The following TMBIM4 variants were observed in gnomAD, a reference collection of about 807,000 sequenced individuals.
TMBIM4 encodes the protein protein lifeguard 4.
In TMBIM4, 28 loss-of-function variants were observed where a neutral mutation model predicts 27.7. The ratio of observed to expected loss-of-function variants is 1.01; its 90% CI spans 0.75 to 1.38. TMBIM4 has a LOEUF of 1.38. TMBIM4 is among the 40% of genes most tolerant of loss of function. The pLI, the probability that TMBIM4 is intolerant of heterozygous loss-of-function variation, is 0.00. For missense variants in TMBIM4, 265 were observed against 277.5 expected (o/e 0.95, Z 0.32); for synonymous variants, 115 against 113.1 (o/e 1.02, Z -0.11).
chr12:66,154,334 C>T (rs933854305), intron 1 of TMBIM4, among the ~76,000 whole-genome samples: 1 of 152,108 alleles, frequency 6.6e-6, no homozygotes, highest in African/African-American at 2.4e-5. Flanking sequence ...TGTCCTTCAC[C>T]CCCATTAGAC....
intron 5 of TMBIM4, 97 bp downstream of exon 5, chr12:66,145,744 G>A (rs2051740384): frequency 2.9e-6 from 2 of 688,036 alleles, no homozygotes; most frequent in Admixed American, 2.4e-5. Context: ...CATTTTAAAA[G>A]ACAGTACCCA....
At chr12:66,157,809 A>C (rs2051961485) in intron 1 of TMBIM4, among the ~76,000 whole-genome samples, 1 of 152,230 alleles carries the variant, frequency 6.6e-6, no homozygotes, top group South Asian at 2.1e-4. Context: ...TAACATCAAA[A>C]GTAGAAAATG....
In TMBIM4 at chr12:66,168,558, C is replaced by T. The variant is rs570033619; in HGVS notation, c.97+1297G>A. Among the ~76,000 whole-genome samples, 268 of 152,238 alleles carry T rather than the reference C, an allele frequency of 1.8e-3. 5 individuals carry two copies. Among genetic ancestry groups the T allele is most frequent in the African/African-American group, 6.0e-3 (248 of 41,532 alleles). On this transcript the variant is annotated intron_variant, in intron 1 of 6. Coordinates refer to ENST00000358230, the MANE Select transcript of TMBIM4 (RefSeq NM_016056.4). ...CTATAACCTAGTAAACAGGCTGTAACCTACGCTTGAACCAATCACTGAGTT... is the reference window on the plus strand; with the variant it reads ...CTATAACCTAGTAAACAGGCTGTAATCTACGCTTGAACCAATCACTGAGTT...
At chr12:66,155,108 AC>A (rs2051909858) in intron 1 of TMBIM4, among the ~76,000 whole-genome samples, 1 of 152,226 alleles carries the variant, frequency 6.6e-6, no homozygotes, top group Non-Finnish European at 1.5e-5. Flanking sequence ...TAAAGAATAT[AC>A]TACTGGCATG....
intron 4 of TMBIM4, among the ~76,000 whole-genome samples, 177 bp downstream of exon 4, chr12:66,147,731 A>G (rs2051774753): frequency 6.6e-6 from 1 of 152,206 alleles, no homozygotes; most frequent in Admixed American, 6.5e-5. Context: ...CAGCTGAAAT[A>G]TGTAAACGAT....
chr12:66,157,154 G>C (rs562233447), intron 1 of TMBIM4, among the ~76,000 whole-genome samples: 71 of 151,838 alleles, frequency 4.7e-4, no homozygotes, highest in African/African-American at 1.6e-3. Context: ...ATTTTTTTTA[G>C]ATCTTTACAT....
chr12:66,145,695 TGGCCCTA>T (rs2051739863), intron 5 of TMBIM4, 139 bp downstream of exon 5: 1 of 501,862 alleles, frequency 2.0e-6, no homozygotes, highest in Admixed American at 3.2e-5. Context: ...GAGTAGGACC[TGGCCCTA>T]GTACTCAAAG....
At chr12:66,164,461 G>A (rs1052085667) in intron 1 of TMBIM4, among the ~76,000 whole-genome samples, 1 of 152,128 alleles carries the variant, frequency 6.6e-6, no homozygotes, top group African/African-American at 2.4e-5. Context: ...TTTGACCTAA[G>A]GACAGGATTT....
chr12:66,140,803 G>A (rs965567523), intron 5 of TMBIM4, among the ~76,000 whole-genome samples: 1 of 152,040 alleles, frequency 6.6e-6, no homozygotes, highest in Non-Finnish European at 1.5e-5. Flanking sequence ...AAAAGTGGAG[G>A]GGGAGGGAAC....
rs750042861 is a variant in TMBIM4 at position 66,138,705 on chromosome 12, C to T, written c.510+19G>A. On this transcript the variant is annotated intron_variant, in intron 6 of 6. Coordinates refer to ENST00000358230, the MANE Select transcript of TMBIM4 (RefSeq NM_016056.4). ...CAGCCAGAATTATATTTCAAATTAA[C>T]CATTATAACATAACTTACCTTCAAG... The T allele has an allele frequency of 1.3e-6, 2 of 1,530,632 alleles. No homozygotes were observed. Among genetic ancestry groups the T allele is most frequent in the South Asian group, 2.5e-5 (2 of 80,120 alleles). The allele number at this position is 1,530,632 out of a possible 1,614,324, so 94.8% of individuals were successfully genotyped here.
intron 1 of TMBIM4, among the ~76,000 whole-genome samples, chr12:66,153,931 T>C (rs2051892978): frequency 6.6e-6 from 1 of 152,142 alleles, no homozygotes; most frequent in African/African-American, 2.4e-5. Flanking sequence ...ATAAACTTAC[T>C]TTCACTCATC....
intron 1 of TMBIM4, among the ~76,000 whole-genome samples, chr12:66,160,928 G>A (rs932261727): frequency 2.0e-5 from 3 of 150,738 alleles, no homozygotes; most frequent in Admixed American, 1.3e-4. Context: ...GGGGTGGGGC[G>A]GGCAGAGGCG....
chr12:66,139,133 A>G (rs2051625963), intron 5 of TMBIM4, among the ~76,000 whole-genome samples: 1 of 152,220 alleles, frequency 6.6e-6, no homozygotes, highest in Non-Finnish European at 1.5e-5. Flanking sequence ...CTAGGATTGC[A>G]CTTTTAAACC....
At chr12:66,140,396 TGAA>T (rs1386303595) in intron 5 of TMBIM4, among the ~76,000 whole-genome samples, 3 of 151,686 alleles carry the variant, frequency 2.0e-5, no homozygotes, top group East Asian at 1.9e-4. Context: ...GATTAGACAC[TGAA>T]GAAGATTACT....
Position 66,138,718 on chromosome 12 carries a change from A to T in TMBIM4, c.510+6T>A. On this transcript the variant is annotated splice_donor_region_variant and intron_variant, in intron 6 of 6. Coordinates refer to ENST00000358230, the MANE Select transcript of TMBIM4 (RefSeq NM_016056.4). ...ATTTCAAATTAACCATTATAACATA[A>T]CTTACCTTCAAGAATCCTGACAGGC... The T allele has an allele frequency of 6.5e-7, 1 of 1,549,146 alleles. No individual in the cohort carries two copies. Among genetic ancestry groups the T allele is most frequent in the Non-Finnish European group, 8.7e-7 (1 of 1,156,042 alleles).
In TMBIM4 at chr12:66,137,768, A is replaced by G; in HGVS notation, c.*192T>C. On this transcript the variant is annotated 3_prime_UTR_variant, in exon 7 of 7. Coordinates refer to ENST00000358230, the MANE Select transcript of TMBIM4 (RefSeq NM_016056.4). ...ATCAAGGATTTAGAAATGAGGTATC[A>G]TAAAGAATAGTAAGATTTTAAAGCT... is the stretch of plus-strand genomic sequence containing the variant. The G allele has an allele frequency of 3.6e-6, 2 of 548,702 alleles. No individual in the cohort carries two copies. The highest frequency in any genetic ancestry group is 6.4e-6 in the Non-Finnish European group (2 of 312,028). 34.0% of individuals were successfully genotyped at this position (548,702 alleles called of 1,614,324 possible). A position where few individuals can be genotyped will look rare whatever the true frequency, so the allele number is the denominator to read the frequency against.
At chr12:66,169,631 C>A (rs1324894764) in intron 1 of TMBIM4, 5 of 457,822 alleles carry the variant, frequency 1.1e-5, no homozygotes, top group Admixed American at 4.3e-5. Context: ...GCCTTCTGGG[C>A]CTGGCGCCCT....
intron 5 of TMBIM4, among the ~76,000 whole-genome samples, chr12:66,140,677 C>T (rs1168038660): frequency 6.6e-6 from 1 of 152,114 alleles, no homozygotes; most frequent in Non-Finnish European, 1.5e-5. Flanking sequence ...GGAGGGATCA[C>T]TTGAACCCAG....
intron 1 of TMBIM4, among the ~76,000 whole-genome samples, chr12:66,155,436 C>G (rs2051919357): frequency 6.6e-6 from 1 of 151,466 alleles, no homozygotes; most frequent in Non-Finnish European, 1.5e-5. Flanking sequence ...ATCTCCAGGG[C>G]TCAAGCAATT....
Sources: gnomAD v4.1 joint callset for allele counts (sites outside exome capture counted in the v4.1 genomes callset) on GRCh38, gnomAD v4.1.1 for gene constraint, MANE v1.5 for transcripts, NCBI Gene and HGNC (gene_info 2026-07-23, HGNC 2026-07-21) for gene names.